The following PFKFB3 variants were observed in gnomAD, a reference collection of about 807,000 sequenced individuals.
PFKFB3 encodes the protein 6-phosphofructo-2-kinase/fructose-2,6-biphosphatase 3.
Under a neutral mutation model 68.0 loss-of-function variants are expected in PFKFB3, and 33 were observed. The observed-to-expected ratio is 0.49, with a 90% CI of 0.37 to 0.65. PFKFB3 has a LOEUF of 0.65. Among genes scored for constraint, PFKFB3 ranks in the 30% least tolerant of loss-of-function variants. PFKFB3 has a pLI of 0.00. For missense variants in PFKFB3, 586 were observed against 712.2 expected (o/e 0.82, Z 2.02); for synonymous variants, 315 against 288.2 (o/e 1.09, Z -0.94).
At chr10:6,259,368 A>C (rs1318997689), downstream of PFKFB3, among the ~76,000 whole-genome samples, 1 of 149,120 alleles carries the variant, frequency 6.7e-6, no homozygotes, top group Non-Finnish European at 1.5e-5. Context: ...CCATCCATCC[A>C]TCCATTCACC....
At chr10:6,187,269 G>A (rs890661953) in intron 1 of PFKFB3, among the ~76,000 whole-genome samples, 2 of 152,018 alleles carry the variant, frequency 1.3e-5, no homozygotes, top group African/African-American at 4.8e-5. Flanking sequence ...GCTGAGGCAG[G>A]AGAATTGCTT....
the PFKFB3 span, among the ~76,000 whole-genome samples, chr10:6,275,759 C>G: frequency 6.6e-6 from 1 of 152,182 alleles, no homozygotes; most frequent in Non-Finnish European, 1.5e-5. The surrounding 1 kb of genome is among the most constrained non-coding windows in gnomAD (Gnocchi z 4.9). Context: ...GGATTACAGG[C>G]ATGGGCCACC....
At chr10:6,159,657 A>G (rs970914022) in intron 1 of PFKFB3, among the ~76,000 whole-genome samples, 1 of 150,182 alleles carries the variant, frequency 6.7e-6, no homozygotes, top group African/African-American at 2.4e-5. Context: ...ACACCATTGC[A>G]CTCCAGCCTG....
chr10:6,215,076 G>A lies in PFKFB3; in HGVS notation c.203-145G>A, dbSNP rs973822474. 2.1e-5 allele frequency: 14 copies of A among 663,520 alleles called. No homozygotes were observed. The highest frequency in any genetic ancestry group is 3.7e-5 in the Non-Finnish European group (14 of 373,384). 41.1% of individuals were successfully genotyped at this position (663,520 alleles called of 1,614,324 possible). A position where few individuals can be genotyped will look rare whatever the true frequency, so the allele number is the denominator to read the frequency against. ...AGGAGTTGAGGGTAGCGTAGGACTG[G>A]GCGCCGGCATTGCTTCCACACCATC... On this transcript the variant is annotated intron_variant, in intron 2 of 14. Coordinates refer to ENST00000379775, the MANE Select transcript of PFKFB3 (RefSeq NM_004566.4). This position sits in a 1 kb window ranked among gnomAD's most constrained non-coding sequence, Gnocchi z 4.3.
the PFKFB3 span, among the ~76,000 whole-genome samples, chr10:6,290,416 C>T: frequency 6.6e-5 from 10 of 151,280 alleles, no homozygotes; most frequent in East Asian, 3.9e-4. Context: ...TAGCATGAAG[C>T]GTTGTTGAAT....
chr10:6,275,775 C>T, the PFKFB3 span, among the ~76,000 whole-genome samples: 1 of 152,042 alleles, frequency 6.6e-6, no homozygotes, highest in African/African-American at 2.4e-5. The surrounding 1 kb of genome is among the most constrained non-coding windows in gnomAD (Gnocchi z 4.9). Context: ...CCACCACGCC[C>T]GGCTAATTTT....
At chr10:6,279,829 A>G in the PFKFB3 span, among the ~76,000 whole-genome samples, 4 of 152,178 alleles carry the variant, frequency 2.6e-5, no homozygotes, top group African/African-American at 9.6e-5. Flanking sequence ...AGGCACTCCT[A>G]TGCGGAAGGT....
At chr10:6,190,757 A>G (rs1843001308) in intron 1 of PFKFB3, among the ~76,000 whole-genome samples, 1 of 152,132 alleles carries the variant, frequency 6.6e-6, no homozygotes, top group South Asian at 2.1e-4. Context: ...TTCTATTTCA[A>G]CATCAGGGTT....
chr10:6,260,155 T>G, the PFKFB3 span, among the ~76,000 whole-genome samples: 1 of 152,108 alleles, frequency 6.6e-6, no homozygotes, highest in Admixed American at 6.6e-5. Flanking sequence ...GGCTCACGCT[T>G]GTAATCCCAG....
the PFKFB3 span, among the ~76,000 whole-genome samples, chr10:6,282,264 C>T: frequency 4.3e-4 from 66 of 152,230 alleles, 1 homozygote; most frequent in Admixed American, 4.3e-3. Context: ...GATTCAGGCT[C>T]AGATCCCTGG....
rs115891173 is a variant in PFKFB3 at position 6,223,543 on chromosome 10, A to T, written c.1214-415A>T. On this transcript the variant is annotated intron_variant, in intron 11 of 14. Transcript: ENST00000379775. ...CGGGACAGCTTGTGGCTGGGGACAG[A>T]TGCCCCTGCCCGACAGGGCTTCCGA... is the stretch of plus-strand genomic sequence containing the variant. Among the ~76,000 whole-genome samples, 833 of 152,290 alleles carry T rather than the reference A, an allele frequency of 5.5e-3. 8 individuals carry two copies. The highest frequency in any genetic ancestry group is 0.019 in the African/African-American group (794 of 41,556).
the PFKFB3 span, among the ~76,000 whole-genome samples, chr10:6,269,594 G>A: frequency 5.3e-5 from 8 of 152,202 alleles, no homozygotes; most frequent in African/African-American, 1.9e-4. Flanking sequence ...TAGGTAAGAC[G>A]TTGCAGTTAG....
At chr10:6,158,869 C>CA (rs201959006) in intron 1 of PFKFB3, among the ~76,000 whole-genome samples, 13,383 of 134,902 alleles carry the variant, frequency 0.099, 670 homozygotes, top group East Asian at 0.25. Flanking sequence ...GACTCCATCT[C>CA]AAAAAAAAAA....
chr10:6,177,401 T>TTTCTTTCTTTCTTTCTTTC, intron 1 of PFKFB3, among the ~76,000 whole-genome samples: 1 of 143,936 alleles, frequency 6.9e-6, no homozygotes, highest in African/African-American at 2.5e-5. Context: ...TCTTTCTTTC[T>TTTCTTTCTTTCTTTCTTTC]TTCTTTCTTC....
chr10:6,267,325 A>G, the PFKFB3 span, among the ~76,000 whole-genome samples: 1 of 152,274 alleles, frequency 6.6e-6, no homozygotes, highest in Non-Finnish European at 1.5e-5. Flanking sequence ...CCCTGGACGT[A>G]CGTACTAATG....
the PFKFB3 span, among the ~76,000 whole-genome samples, chr10:6,309,598 G>C: frequency 6.6e-6 from 1 of 152,190 alleles, no homozygotes; most frequent in Admixed American, 6.5e-5. Flanking sequence ...CTCCAGCCCA[G>C]GCGACAGAGC....
At chr10:6,159,695 GA>G (rs746368669) in intron 1 of PFKFB3, among the ~76,000 whole-genome samples, 1,102 of 99,410 alleles carry the variant, frequency 0.011, 20 homozygotes, top group African/African-American at 0.037. Context: ...TCCGTCTGAG[GA>G]AAAAAAAAAA....
the PFKFB3 span, among the ~76,000 whole-genome samples, chr10:6,311,999 G>A: frequency 5.0e-3 from 758 of 152,316 alleles, 2 homozygotes; most frequent in Admixed American, 0.011. Context: ...AGAGGGCCTT[G>A]TTCATAAGAA....
intron 2 of PFKFB3, among the ~76,000 whole-genome samples, chr10:6,214,375 G>A (rs900704186): frequency 1.3e-5 from 2 of 152,120 alleles, no homozygotes; most frequent in Non-Finnish European, 2.9e-5. Flanking sequence ...ACCCCTCCCT[G>A]TCCGTGGCAA....
Sources: allele counts gnomAD v4.1 joint callset (sites outside exome capture counted in the v4.1 genomes callset), GRCh38; gene constraint gnomAD v4.1.1; non-coding constraint Gnocchi (gnomAD v3.1); transcripts MANE v1.5; gene names NCBI Gene and HGNC (gene_info 2026-07-23, HGNC 2026-07-21).